The following ESCO1 variants were observed in gnomAD, a reference collection of about 807,000 sequenced individuals.
ESCO1 encodes establishment of sister chromatid cohesion N-acetyltransferase 1, also known as N-acetyltransferase ESCO1.
A neutral mutation model predicts 83.5 loss-of-function variants in ESCO1; 33 were observed. The ratio of observed to expected loss-of-function variants is 0.40; its 90% CI spans 0.30 to 0.53. The LOEUF (loss-of-function observed/expected upper bound fraction) is 0.53, where lower values mean the gene tolerates loss of function less well. ESCO1 is among the 20% of genes least tolerant of loss of function. The probability of loss-of-function intolerance (pLI) is 0.63; values close to 1 mark genes in which losing one functional copy is unlikely to be tolerated. For missense variants in ESCO1, 855 were observed against 968.0 expected (o/e 0.88, Z 1.55); for synonymous variants, 332 against 324.3 (o/e 1.02, Z -0.25).
chr18:21,530,170 A>G lies in ESCO1; in HGVS notation c.*173T>C. ...AATAAAATATCTTCTTTAAAAAACA[A>G]AACAATAAGCTATTACTGCATTGTT... On this transcript the variant is annotated 3_prime_UTR_variant, in exon 12 of 12. Transcript: ENST00000269214. 2.3e-6 allele frequency: 1 copy of G among 440,474 alleles called. No individual in the cohort carries two copies. Among genetic ancestry groups the G allele is most frequent in the Non-Finnish European group, 4.0e-6 (1 of 252,010 alleles). 27.3% of individuals were successfully genotyped at this position (440,474 alleles called of 1,614,324 possible). A position where few individuals can be genotyped will look rare whatever the true frequency, so the allele number is the denominator to read the frequency against.
chr18:21,541,595 A>C (rs1203694684), intron 8 of ESCO1, among the ~76,000 whole-genome samples: 3 of 117,040 alleles, frequency 2.6e-5, no homozygotes, highest in African/African-American at 1.6e-4. Context: ...ACTGTCCCAA[A>C]AAAAAAAAAA....
chr18:21,596,458 T>G (rs2038768772), intron 1 of ESCO1, among the ~76,000 whole-genome samples: 1 of 152,150 alleles, frequency 6.6e-6, no homozygotes, highest in African/African-American at 2.4e-5. Flanking sequence ...TCCTGATATA[T>G]CACCAGTGCT....
rs756173012 is a variant in ESCO1, at chr18:21,532,667, G to A, written c.2188-7C>T. The A allele has an allele frequency of 6.2e-7, 1 of 1,604,742 alleles. No homozygotes were observed. The highest frequency in any genetic ancestry group is 8.5e-7 in the Non-Finnish European group (1 of 1,175,274). On this transcript the variant is annotated splice_polypyrimidine_tract_variant and splice_region_variant and intron_variant, in intron 10 of 11. Coordinates refer to ENST00000269214, the MANE Select transcript of ESCO1 (RefSeq NM_052911.3). ...CTTCTATAACTCTGTAGCCCTACAG[G>A]TGTCAAAAATGGGGAAAAAATTTAA...
chr18:21,566,278 T>C, intron 5 of ESCO1, 72 bp from the exon 6 acceptor site: 1 of 1,397,250 alleles, frequency 7.2e-7, no homozygotes, highest in Non-Finnish European at 9.9e-7. Context: ...GATAAAATCA[T>C]TATACATAAA....
intron 8 of ESCO1, among the ~76,000 whole-genome samples, chr18:21,555,765 G>A (rs1436147502): frequency 1.3e-5 from 2 of 152,118 alleles, no homozygotes; most frequent in Non-Finnish European, 2.9e-5. Flanking sequence ...TTGTGCCACT[G>A]CACTACACCC....
intron 8 of ESCO1, among the ~76,000 whole-genome samples, chr18:21,558,347 T>C (rs1001109913): frequency 2.6e-5 from 4 of 152,170 alleles, no homozygotes; most frequent in Non-Finnish European, 5.9e-5. Flanking sequence ...CTTTTAGCCA[T>C]TTCCAATTGT....
Position 21,539,577 on chromosome 18 carries a change from C to T in ESCO1, c.2043+343G>A, listed in dbSNP as rs45514399. On this transcript the variant is annotated intron_variant, in intron 9 of 11. Coordinates refer to ENST00000269214, the MANE Select transcript of ESCO1 (RefSeq NM_052911.3). ...AAAATTAACTGCGAAATGGGCCAGG[C>T]GCAGTGGTTCAAGCCTGTAATCCCA... is the stretch of plus-strand genomic sequence containing the variant. Among the ~76,000 whole-genome samples the T allele has an allele frequency of 7.4e-3, 1,128 of 152,200 alleles. 11 individuals are homozygous for T. Among genetic ancestry groups the T allele is most frequent in the African/African-American group, 0.025 (1,020 of 41,528 alleles).
chr18:21,586,478 A>G (rs531279600), intron 1 of ESCO1, among the ~76,000 whole-genome samples: 4 of 152,352 alleles, frequency 2.6e-5, no homozygotes, highest in Non-Finnish European at 4.4e-5. Flanking sequence ...CACAATGAAC[A>G]TGGGAATGCA....
At chr18:21,566,094 C>G in intron 6 of ESCO1, 52 bp downstream of exon 6, 2 of 1,552,916 alleles carry the variant, frequency 1.3e-6, no homozygotes, top group Non-Finnish European at 1.8e-6. Flanking sequence ...CCCCTAAACT[C>G]AAAACTTGTA....
chr18:21,574,271 A>ATTT lies in ESCO1; in HGVS notation c.570_572dup (p.Glu190_Asn191insLys). On this transcript the variant is annotated inframe_insertion, in exon 4 of 12. Transcript: ENST00000269214. ...AATTTATTACTTCATTAATTACTAG[A>ATTT]TTTTCATCTTCTTTAGAGTCAGACT... The ATTT allele has an allele frequency of 6.2e-7, 1 of 1,613,500 alleles. No individual in the cohort carries two copies. The highest frequency in any genetic ancestry group is 8.5e-7 in the Non-Finnish European group (1 of 1,179,932).
intron 1 of ESCO1, among the ~76,000 whole-genome samples, chr18:21,594,925 C>CTGTGTGTGTGTGTGTG (rs35336026): frequency 5.8e-4 from 83 of 143,788 alleles, no homozygotes; most frequent in East Asian, 2.3e-3. Context: ...TCTACAACTA[C>CTGTGTGTGTGTGTGTG]TGTGTGTGTG....
At chr18:21,581,861 T>A (rs1158263457) in intron 2 of ESCO1, among the ~76,000 whole-genome samples, 1 of 150,252 alleles carries the variant, frequency 6.7e-6, no homozygotes, top group Non-Finnish European at 1.5e-5. Flanking sequence ...CAAAGAAAAA[T>A]TTATTAATCA....
At chr18:21,538,949 A>T (rs1193864699) in intron 9 of ESCO1, among the ~76,000 whole-genome samples, 1 of 152,046 alleles carries the variant, frequency 6.6e-6, no homozygotes, top group African/African-American at 2.4e-5. Context: ...CCTGATTTTT[A>T]AAATAACCTA....
At chr18:21,578,930 G>A (rs533151721) in intron 2 of ESCO1, among the ~76,000 whole-genome samples, 30 of 151,344 alleles carry the variant, frequency 2.0e-4, no homozygotes, top group African/African-American at 7.0e-4. Context: ...GCACCATCTC[G>A]GCTCACTGCA....
chr18:21,532,403 ATC>A (rs2037778784), intron 11 of ESCO1, 68 bp downstream of exon 11: 1 of 1,482,538 alleles, frequency 6.7e-7, no homozygotes, highest in Non-Finnish European at 9.1e-7. Flanking sequence ...TTAAATGCCA[ATC>A]TTTACACTAA....
intron 8 of ESCO1, among the ~76,000 whole-genome samples, chr18:21,550,867 C>T (rs972052223): frequency 6.6e-6 from 1 of 152,056 alleles, no homozygotes; most frequent in African/African-American, 2.4e-5. Flanking sequence ...AATCCCAGTA[C>T]TTTCGGAGGC....
intron 8 of ESCO1, among the ~76,000 whole-genome samples, chr18:21,543,831 T>C (rs1227062349): frequency 6.6e-6 from 1 of 152,172 alleles, no homozygotes. Flanking sequence ...CAATGTAATA[T>C]ATAAACCCTA....
chr18:21,566,005 T>A, intron 6 of ESCO1, 141 bp downstream of exon 6: 1 of 677,178 alleles, frequency 1.5e-6, no homozygotes, highest in Non-Finnish European at 2.5e-6. Flanking sequence ...ACAGTATGTA[T>A]AGGCATAGAA....
In ESCO1 at chr18:21,573,772, G is replaced by C; in HGVS notation, c.1072C>G (p.Gln358Glu). ...AAAAAACGATTACATTGCACATCCTGATTTGTTTCCTTCTGATGAAGTATT... is the reference window on the plus strand; with the variant it reads ...AAAAAACGATTACATTGCACATCCTCATTTGTTTCCTTCTGATGAAGTATT... ...RQILHQKETNQDVQCNRFFPS... is the reference protein window; with the variant it reads ...RQILHQKETNEDVQCNRFFPS... Residue 358 changes from glutamine (Q) to glutamate (E), a missense_variant, in exon 4 of 12, where the codon CAG becomes GAG. Physicochemically the swap from Gln to Glu is conservative, Grantham distance 29. This residue lies in a region of ESCO1 where 726 missense variants were observed against 699.5 expected (regional missense o/e 1.04). Coordinates refer to ENST00000269214, the MANE Select transcript of ESCO1 (RefSeq NM_052911.3). 1 of 1,614,120 alleles carries C rather than the reference G, an allele frequency of 6.2e-7. No homozygotes were observed. The highest frequency in any genetic ancestry group is 8.5e-7 in the Non-Finnish European group (1 of 1,180,022).
Sources: gnomAD v4.1 joint callset for allele counts (sites outside exome capture counted in the v4.1 genomes callset) on GRCh38, gnomAD v4.1.1 for gene constraint, gnomAD v4.1.1 regional missense constraint, MANE v1.5 for transcripts, NCBI Gene and HGNC (gene_info 2026-07-23, HGNC 2026-07-21) for gene names.